Variants in SLF1 observed in about 807,000 individuals in gnomAD.
SLF1 encodes the protein SMC5/6 complex localization factor 1.
Under a neutral mutation model 123.0 loss-of-function variants are expected in SLF1, and 105 were observed. The observed-to-expected ratio is 0.85, with a 90% CI of 0.73 to 1.00. SLF1 has a LOEUF of 1.00. Among genes scored for constraint, SLF1 ranks in the 50% least tolerant of loss-of-function variants. The pLI is 0.00. For missense variants in SLF1, 1,239 were observed against 1,223.0 expected (o/e 1.01, Z -0.20); for synonymous variants, 434 against 406.6 (o/e 1.07, Z -0.81).
intron 1 of SLF1, among the ~76,000 whole-genome samples, chr5:94,619,610 T>A (rs1269656571): frequency 2.1e-5 from 3 of 140,348 alleles, no homozygotes; most frequent in South Asian, 4.3e-4. Flanking sequence ...TATTAAAAAA[T>A]TTTGTTGTTG....
At position 94,644,683 on chromosome 5, in the gene SLF1, T is replaced by TA. The variant is rs1208223678; in HGVS notation, c.594+1249dup. ...ATCTTTCAGGTTCCTGTTACAATGT[T>TA]ACTCTACAGGGAAGCCTCCTTGATC... On this transcript the variant is annotated intron_variant, in intron 5 of 20. Coordinates refer to ENST00000265140, the MANE Select transcript of SLF1 (RefSeq NM_032290.4). 3.9e-5 allele frequency among the ~76,000 whole-genome samples: 6 copies of TA among 152,196 alleles called. 1 individual carries two copies. The highest frequency in any genetic ancestry group is 5.9e-5 in the Non-Finnish European group (4 of 68,036).
intron 4 of SLF1, among the ~76,000 whole-genome samples, chr5:94,633,171 G>A (rs78787963): frequency 2.6e-5 from 4 of 151,770 alleles, no homozygotes; most frequent in African/African-American, 9.7e-5. Flanking sequence ...ATTTTTAGTA[G>A]AGATGGGGTT....
At chr5:94,629,952 C>T (rs1036318880) in intron 3 of SLF1, among the ~76,000 whole-genome samples, 3 of 151,914 alleles carry the variant, frequency 2.0e-5, no homozygotes, top group Admixed American at 2.0e-4. Context: ...TAAGACCAGC[C>T]TGGGCAACGT....
intron 1 of SLF1, among the ~76,000 whole-genome samples, chr5:94,621,880 TTA>T (rs1379741384): frequency 3.8e-5 from 4 of 104,536 alleles, no homozygotes; most frequent in Non-Finnish European, 7.7e-5. Flanking sequence ...TAATTAATAT[TTA>T]TACACACACA....
chr5:94,690,915 T>TTTG, intron 18 of SLF1, among the ~76,000 whole-genome samples: 1 of 147,644 alleles, frequency 6.8e-6, no homozygotes, highest in East Asian at 2.0e-4. Context: ...TTTTTTTTTT[T>TTTG]ACATCCGTGT....
chr5:94,686,976 A>G (rs2152497304), intron 16 of SLF1, among the ~76,000 whole-genome samples: 1 of 152,018 alleles, frequency 6.6e-6, no homozygotes, highest in Non-Finnish European at 1.5e-5. Flanking sequence ...TTTAGTAGAG[A>G]CGGGGTCTCG....
intron 6 of SLF1, among the ~76,000 whole-genome samples, chr5:94,649,799 A>G (rs1747468143): frequency 6.6e-6 from 1 of 152,314 alleles, no homozygotes; most frequent in South Asian, 2.1e-4. Flanking sequence ...GTATGCATAT[A>G]GAAATACACA....
At chr5:94,650,648 T>C (rs1311356151) in intron 6 of SLF1, among the ~76,000 whole-genome samples, 1 of 152,152 alleles carries the variant, frequency 6.6e-6, no homozygotes, top group Non-Finnish European at 1.5e-5. Flanking sequence ...ACATAGTTCC[T>C]TAAGAAATTG....
intron 9 of SLF1, among the ~76,000 whole-genome samples, chr5:94,660,228 G>C (rs1359630848): frequency 1.3e-5 from 2 of 152,170 alleles, no homozygotes; most frequent in African/African-American, 4.8e-5. Context: ...GACAAGTGCA[G>C]GTGGCATTGC....
chr5:94,651,206 G>T (rs1747682885), intron 6 of SLF1, among the ~76,000 whole-genome samples: 2 of 152,168 alleles, frequency 1.3e-5, no homozygotes, highest in Non-Finnish European at 2.9e-5. Flanking sequence ...TATAGACTAG[G>T]TGTGTAGTAG....
chr5:94,671,511 G>T (rs997979682), intron 14 of SLF1, among the ~76,000 whole-genome samples: 1 of 151,682 alleles, frequency 6.6e-6, no homozygotes, highest in South Asian at 2.1e-4. Flanking sequence ...GGATAATAGC[G>T]TATATAGCAA....
intron 1 of SLF1, among the ~76,000 whole-genome samples, chr5:94,622,112 T>C (rs1004457316): frequency 6.6e-6 from 1 of 152,260 alleles, no homozygotes; most frequent in South Asian, 2.1e-4. Context: ...GTATAAGTAC[T>C]GTGACATGTG....
chr5:94,673,997 A>G (rs1750769484), intron 14 of SLF1, among the ~76,000 whole-genome samples: 1 of 152,178 alleles, frequency 6.6e-6, no homozygotes, highest in Non-Finnish European at 1.5e-5. Flanking sequence ...CAAATTACAG[A>G]AATTGAAAAT....
intron 4 of SLF1, among the ~76,000 whole-genome samples, chr5:94,632,211 T>G (rs1745286309): frequency 6.6e-6 from 1 of 152,170 alleles, no homozygotes; most frequent in Non-Finnish European, 1.5e-5. Context: ...ACCATGTATG[T>G]GTGGTCTATT....
rs928974340 is a variant in SLF1 at position 94,692,230 on chromosome 5, T to C, written c.2669T>C (p.Ile890Thr). 1.7e-5 allele frequency: 27 copies of C among 1,613,482 alleles called. No homozygotes were observed. Among genetic ancestry groups the C allele is most frequent in the African/African-American group, 2.7e-5 (2 of 74,870 alleles). The change falls in exon 20 of 21, where the codon ATT becomes ACT. Residue 890 changes from isoleucine to threonine, a missense_variant. By Grantham distance (89) the Ile-to-Thr change is moderately conservative. Coordinates refer to ENST00000265140, the MANE Select transcript of SLF1 (RefSeq NM_032290.4). Reference protein sequence around the residue: ...HDALSNGHVEIGKLLLQHGGP... With the variant: ...HDALSNGHVETGKLLLQHGGP... ...GCACTGTCAAACGGACATGTAGAAA[T>C]TGGCAAGCTGCTACTACAGCATGGG...
At chr5:94,631,970 C>CTTTTT (rs1021934536) in intron 4 of SLF1, among the ~76,000 whole-genome samples, 5 of 108,758 alleles carry the variant, frequency 4.6e-5, no homozygotes, top group African/African-American at 1.7e-4. Context: ...TTTTTTCTTT[C>CTTTTT]TTTTTTTTTT....
chr5:94,643,452 G>C lies in SLF1; in HGVS notation c.594+17G>C, dbSNP rs765655281. The C allele has an allele frequency of 1.5e-6, 2 of 1,375,024 alleles. No individual in the cohort carries two copies. The highest frequency in any genetic ancestry group is 9.7e-7 in the Non-Finnish European group (1 of 1,035,844). 85.2% of individuals were successfully genotyped at this position (1,375,024 alleles called of 1,614,324 possible). A position where few individuals can be genotyped will look rare whatever the true frequency, so the allele number is the denominator to read the frequency against. On this transcript the variant is annotated intron_variant, in intron 5 of 20. Coordinates refer to ENST00000265140, the MANE Select transcript of SLF1 (RefSeq NM_032290.4). ...CTTTTAGAGGTAAGTAAAATAAATA[G>C]TAAACATTTTATTTTGTTTCATGTG... is the stretch of plus-strand genomic sequence containing the variant.
rs1791259749 is a variant in SLF1, at chr5:94,618,742, G to A, written c.-24G>A. 1 of 154,818 alleles carries A rather than the reference G, an allele frequency of 6.5e-6. No homozygotes were observed. The highest frequency in any genetic ancestry group is 2.4e-5 in the African/African-American group (1 of 41,512). 9.6% of individuals were successfully genotyped at this position (154,818 alleles called of 1,614,324 possible). On this transcript the variant is annotated 5_prime_UTR_variant, in exon 1 of 21. Transcript: ENST00000265140. ...CGCCCCTGCCGCCGCTGCCACCGAAGGAAGCATCCCAGACACCGGGAAGGT... is the reference window on the plus strand; with the variant it reads ...CGCCCCTGCCGCCGCTGCCACCGAAAGAAGCATCCCAGACACCGGGAAGGT...
intron 1 of SLF1, among the ~76,000 whole-genome samples, chr5:94,626,593 C>G (rs1792269753): frequency 6.6e-6 from 1 of 152,124 alleles, no homozygotes; most frequent in South Asian, 2.1e-4. Flanking sequence ...GAAATACCAG[C>G]TTTTTTATTG....
Sources: gnomAD v4.1 joint callset for allele counts (sites outside exome capture counted in the v4.1 genomes callset) on GRCh38, gnomAD v4.1.1 for gene constraint, MANE v1.5 for transcripts, NCBI Gene and HGNC (gene_info 2026-07-23, HGNC 2026-07-21) for gene names.